The following DAB1 variants were observed in gnomAD, a reference collection of about 807,000 sequenced individuals.
The protein encoded by DAB1 is disabled homolog 1.
A neutral mutation model predicts 64.6 loss-of-function variants in DAB1; 15 were observed. That is an observed-to-expected ratio of 0.23 (90% CI 0.16 to 0.36). The LOEUF (loss-of-function observed/expected upper bound fraction) is 0.36, where lower values mean the gene tolerates loss of function less well. DAB1 is among the 10% of genes least tolerant of loss of function. The pLI is 1.00. For synonymous variants in DAB1, 235 were observed against 251.9 expected, an observed-to-expected ratio of 0.93 and a Z score of 0.64; for missense variants, 596 against 706.7, an observed-to-expected ratio of 0.84 and a Z score of 1.78.
At chr1:57,322,972 T>C in intron 1 of DAB1, among the ~76,000 whole-genome samples, 1 of 152,154 alleles carries the variant, frequency 6.6e-6, no homozygotes, top group Non-Finnish European at 1.5e-5. Flanking sequence ...TTCTGGAATG[T>C]TAATACGTTT....
intron 6 of DAB1, among the ~76,000 whole-genome samples, chr1:57,814,345 AC>A (rs1360779416): frequency 1.3e-5 from 2 of 152,210 alleles, no homozygotes; most frequent in Non-Finnish European, 2.9e-5. Flanking sequence ...GCCTTATTAA[AC>A]TTGCAGGAAA....
At chr1:57,456,322 C>T (rs1043905128) in intron 7 of DAB1, among the ~76,000 whole-genome samples, 1 of 152,060 alleles carries the variant, frequency 6.6e-6, no homozygotes, top group Non-Finnish European at 1.5e-5. Flanking sequence ...GAAAATTATT[C>T]AAAAGCACAG....
chr1:57,602,092 A>G (rs758384046), intron 7 of DAB1, among the ~76,000 whole-genome samples: 1 of 152,202 alleles, frequency 6.6e-6, no homozygotes, highest in Non-Finnish European at 1.5e-5. Context: ...AATTCATTGC[A>G]TAAAAAAATA....
intron 5 of DAB1, among the ~76,000 whole-genome samples, chr1:57,965,209 T>C (rs1645634076): frequency 6.6e-6 from 1 of 152,180 alleles, no homozygotes; most frequent in Admixed American, 6.5e-5. Flanking sequence ...TCAGCTTTCT[T>C]TCTATTTTAT....
intron 3 of DAB1, among the ~76,000 whole-genome samples, chr1:58,343,609 A>G (rs936408524): frequency 6.6e-6 from 1 of 152,236 alleles, no homozygotes; most frequent in African/African-American, 2.4e-5. Flanking sequence ...CCCAGAATTC[A>G]TGTTGTGCTG....
chr1:57,698,946 A>G (rs940298278), intron 6 of DAB1, among the ~76,000 whole-genome samples: 4 of 152,170 alleles, frequency 2.6e-5, no homozygotes, highest in Non-Finnish European at 5.9e-5. Flanking sequence ...TTACTTAATT[A>G]ATTTTTTTAG....
intron 5 of DAB1, among the ~76,000 whole-genome samples, chr1:58,087,531 G>A (rs977824269): frequency 1.3e-5 from 2 of 152,142 alleles, no homozygotes; most frequent in Non-Finnish European, 2.9e-5. Flanking sequence ...CTCACTGAGT[G>A]CCATTCACAT....
chr1:58,514,584 T>C (rs1485776369), intron 2 of DAB1, among the ~76,000 whole-genome samples: 1 of 152,180 alleles, frequency 6.6e-6, no homozygotes, highest in Non-Finnish European at 1.5e-5. Context: ...ACCCTACACT[T>C]GTCCCAGTCA....
intron 6 of DAB1, among the ~76,000 whole-genome samples, chr1:57,785,092 T>C (rs887428199): frequency 3.3e-5 from 5 of 152,206 alleles, no homozygotes; most frequent in African/African-American, 4.8e-5. Flanking sequence ...CTACTCTGCC[T>C]GTGCTCTAGA....
At chr1:57,988,116 C>T in intron 5 of DAB1, among the ~76,000 whole-genome samples, 1 of 151,988 alleles carries the variant, frequency 6.6e-6, no homozygotes, top group Non-Finnish European at 1.5e-5. Flanking sequence ...CTAAGGATGC[C>T]CTGGAGGAGG....
chr1:58,042,521 A>G (rs1339912829), intron 5 of DAB1, among the ~76,000 whole-genome samples: 8 of 152,156 alleles, frequency 5.3e-5, no homozygotes, highest in Admixed American at 5.2e-4. Context: ...AACTACACAT[A>G]CTGAGCGATA....
At chr1:57,374,204 G>C (rs1169870671) in intron 1 of DAB1, among the ~76,000 whole-genome samples, 1 of 152,084 alleles carries the variant, frequency 6.6e-6, no homozygotes, top group Non-Finnish European at 1.5e-5. Flanking sequence ...TATTACCAGT[G>C]ATGAGGCTAA....
chr1:57,301,330 G>A (rs144576185), intron 1 of DAB1, among the ~76,000 whole-genome samples: 8 of 152,210 alleles, frequency 5.3e-5, no homozygotes, highest in African/African-American at 1.7e-4. Context: ...CCCAACACAC[G>A]GATTCTAAAG....
At chr1:57,131,752 T>C (rs1200096874) in intron 4 of DAB1, among the ~76,000 whole-genome samples, 1 of 152,182 alleles carries the variant, frequency 6.6e-6, no homozygotes, top group African/African-American at 2.4e-5. Context: ...ATTATCTATC[T>C]ATTTTGAGGG....
intron 3 of DAB1, among the ~76,000 whole-genome samples, chr1:58,449,710 G>A (rs1260453694): frequency 2.0e-5 from 3 of 151,398 alleles, no homozygotes; most frequent in East Asian, 1.9e-4. Flanking sequence ...CCTACCCCAC[G>A]TTGACTTGTC....
rs372275203 is a variant in DAB1 at position 57,015,128 on chromosome 1, C to T, written c.1199G>A (p.Ser400Asn). Reference protein sequence around the residue: ...VPGTSDSTRSSPQTDKPRQKM... With the variant: ...VPGTSDSTRSNPQTDKPRQKM... ...CTGCCTGGGCTTGTCGGTCTGTGGA[C>T]TTGACCTGGTGGAGTCACTCGTGCC... The change falls in exon 12 of 15, where the codon AGT becomes AAT. Residue 400 changes from serine (S) to asparagine (N), a missense_variant. This residue lies in a region of DAB1 where 377 missense variants were observed against 400.4 expected (regional missense o/e 0.94). Transcript: ENST00000371236. 4.9e-5 allele frequency: 79 copies of T among 1,614,048 alleles called. No individual in the cohort carries two copies. Among genetic ancestry groups the T allele is most frequent in the Non-Finnish European group, 6.4e-5 (76 of 1,180,044 alleles).
At chr1:57,955,090 T>C (rs1645361220) in intron 5 of DAB1, among the ~76,000 whole-genome samples, 1 of 152,224 alleles carries the variant, frequency 6.6e-6, no homozygotes, top group African/African-American at 2.4e-5. Context: ...TTTGCCACTG[T>C]CTTCTCTGTG....
chr1:57,188,977 G>A (rs1300105051), intron 2 of DAB1, among the ~76,000 whole-genome samples: 1 of 152,206 alleles, frequency 6.6e-6, no homozygotes, highest in Non-Finnish European at 1.5e-5. Context: ...AAAAAAGTTC[G>A]GTCATTTGCC....
At chr1:58,481,101 C>T in intron 3 of DAB1, 1 of 871,834 alleles carries the variant, frequency 1.1e-6, no homozygotes, top group Non-Finnish European at 2.0e-6. Flanking sequence ...ATGCTTCGTG[C>T]TGAGTTTGAA....
Sources: gnomAD v4.1 joint callset for allele counts (sites outside exome capture counted in the v4.1 genomes callset) on GRCh38, gnomAD v4.1.1 for gene constraint, gnomAD v4.1.1 regional missense constraint, MANE v1.5 for transcripts, NCBI Gene and HGNC (gene_info 2026-07-23, HGNC 2026-07-21) for gene names.